JMJD1C: variants seen among roughly 807,000 people sequenced by gnomAD.
JMJD1C encodes jumonji domain-containing protein 1C.
Under a neutral mutation model 245.3 loss-of-function variants are expected in JMJD1C, and 31 were observed. The ratio of observed to expected loss-of-function variants is 0.13; its 90% CI spans 0.09 to 0.17. The LOEUF (loss-of-function observed/expected upper bound fraction) is 0.17. Among genes scored for constraint, JMJD1C ranks in the 10% least tolerant of loss-of-function variants. JMJD1C has a pLI of 1.00. For synonymous variants in JMJD1C, 1,057 were observed against 1,017.4 expected, an observed-to-expected ratio of 1.04 and a Z score of -0.74; for missense variants, 2,691 against 3,000.2, an observed-to-expected ratio of 0.90 and a Z score of 2.41.
intron 3 of JMJD1C, among the ~76,000 whole-genome samples, chr10:63,245,911 C>G (rs993492695): frequency 7.9e-5 from 12 of 152,156 alleles, no homozygotes; most frequent in Non-Finnish European, 1.0e-4. Flanking sequence ...GTGGGAGTTA[C>G]AATTCAAGAT....
In JMJD1C at chr10:63,465,790, C is replaced by G. The variant is rs1251627624; in HGVS notation, c.-128G>C. ...AGCAGCGGACCCGAAAGAGCGCAGACTCGGGACGAACCGGCCGCTCTGCCC... is the reference window on the plus strand; with the variant it reads ...AGCAGCGGACCCGAAAGAGCGCAGAGTCGGGACGAACCGGCCGCTCTGCCC... On this transcript the variant is annotated 5_prime_UTR_variant, in exon 1 of 26. Transcript: ENST00000399262. 1.7e-6 allele frequency: 2 copies of G among 1,157,482 alleles called. No individual in the cohort carries two copies. Among genetic ancestry groups the G allele is most frequent in the Non-Finnish European group, 2.5e-6 (2 of 798,008 alleles). 71.7% of individuals were successfully genotyped at this position (1,157,482 alleles called of 1,614,324 possible).
intron 2 of JMJD1C, among the ~76,000 whole-genome samples, chr10:63,294,779 A>G (rs919574633): frequency 6.6e-6 from 1 of 152,240 alleles, no homozygotes; most frequent in Non-Finnish European, 1.5e-5. Context: ...AGTTCTAGGA[A>G]GACAAAGATT....
At chr10:63,427,674 C>T in intron 1 of JMJD1C, 1 of 1,302,870 alleles carries the variant, frequency 7.7e-7, no homozygotes, top group Non-Finnish European at 1.1e-6. Flanking sequence ...GGACCGAAAT[C>T]CGCAGAGAAG....
intron 4 of JMJD1C, 30 bp downstream of exon 4, chr10:63,219,848 A>C: frequency 6.5e-7 from 1 of 1,548,744 alleles, no homozygotes; most frequent in Non-Finnish European, 8.9e-7. Flanking sequence ...AGATCCAAAA[A>C]AATTTAATGC....
At chr10:63,509,831 A>C (rs1426086941) in intron 1 of JMJD1C, among the ~76,000 whole-genome samples, 1 of 152,104 alleles carries the variant, frequency 6.6e-6, no homozygotes, top group Non-Finnish European at 1.5e-5. Flanking sequence ...CTATTTTACT[A>C]ATCTTATTAA....
At chr10:63,202,307 C>T in intron 10 of JMJD1C, 4 of 984,940 alleles carry the variant, frequency 4.1e-6, no homozygotes, top group Non-Finnish European at 4.8e-6. Flanking sequence ...TAGTTGTTGG[C>T]TCTAACTTGT....
chr10:63,322,808 A>G (rs1382276185), intron 2 of JMJD1C, among the ~76,000 whole-genome samples: 1 of 150,344 alleles, frequency 6.7e-6, no homozygotes, highest in Non-Finnish European at 1.5e-5. Flanking sequence ...ATCTCAAAAA[A>G]AAAAAAAAAA....
At chr10:63,463,298 T>C (rs769994830) in intron 1 of JMJD1C, among the ~76,000 whole-genome samples, 14 of 151,718 alleles carry the variant, frequency 9.2e-5, no homozygotes, top group Non-Finnish European at 1.8e-4. Context: ...CCCCAGTAGA[T>C]GGAACCACAG....
chr10:63,345,925 C>A (rs1012172354), intron 2 of JMJD1C, among the ~76,000 whole-genome samples: 2 of 151,812 alleles, frequency 1.3e-5, no homozygotes, highest in Admixed American at 6.6e-5. Flanking sequence ...AAGGTACATA[C>A]GGAATAAAAG....
intron 2 of JMJD1C, among the ~76,000 whole-genome samples, chr10:63,359,391 T>C (rs1039266379): frequency 3.9e-5 from 6 of 152,242 alleles, no homozygotes; most frequent in African/African-American, 1.4e-4. Context: ...TTCATTTTCT[T>C]AAAACACAGC....
At chr10:63,427,387 A>G (rs1428424893) in intron 1 of JMJD1C, 3 of 1,093,466 alleles carry the variant, frequency 2.7e-6, no homozygotes, top group African/African-American at 1.5e-5. Context: ...AAATCCCTAT[A>G]GCAAACATGT....
chr10:63,393,811 G>C (rs936439117), intron 1 of JMJD1C, among the ~76,000 whole-genome samples: 1 of 152,106 alleles, frequency 6.6e-6, no homozygotes, highest in Admixed American at 6.5e-5. Context: ...AAAGGAAATA[G>C]AATTGCTAAA....
chr10:63,338,934 G>A (rs1943123027), intron 2 of JMJD1C, among the ~76,000 whole-genome samples: 1 of 152,066 alleles, frequency 6.6e-6, no homozygotes, highest in South Asian at 2.1e-4. Flanking sequence ...CAGGTGTCGT[G>A]AGCCACTGCA....
At chr10:63,466,030 G>A, upstream of JMJD1C, 1 of 242,892 alleles carries the variant, frequency 4.1e-6, no homozygotes, top group Non-Finnish European at 7.9e-6. Context: ...TCCTTCCGCC[G>A]GCGCGGGCGG....
chr10:63,353,263 G>T (rs1031587936), intron 2 of JMJD1C, among the ~76,000 whole-genome samples: 1 of 151,914 alleles, frequency 6.6e-6, no homozygotes, highest in Non-Finnish European at 1.5e-5. Context: ...GTATTTTTTT[G>T]TAAGAACTCA....
chr10:63,402,333 G>A (rs1220949654), intron 1 of JMJD1C, among the ~76,000 whole-genome samples: 4 of 152,158 alleles, frequency 2.6e-5, no homozygotes, highest in East Asian at 1.9e-4. Context: ...GTAACATTTC[G>A]TTAAAATAAA....
chr10:63,244,885 C>T lies in JMJD1C; in HGVS notation c.447+19766G>A, dbSNP rs1364516707. Among the ~76,000 whole-genome samples, 6 of 151,558 alleles carry T rather than the reference C, an allele frequency of 4.0e-5. No individual in the cohort carries two copies. The East Asian group carries it at 1.2e-3, about 29-fold the overall frequency. ...GGTGCGGTGGCTCACGCCTGTAATC[C>T]CAGCACTTTGGGAGGCCAAGGCAGC... On this transcript the variant is annotated intron_variant, in intron 3 of 25. Coordinates refer to ENST00000399262, the MANE Select transcript of JMJD1C (RefSeq NM_032776.3).
chr10:63,242,848 A>C (rs370354455), intron 3 of JMJD1C, among the ~76,000 whole-genome samples: 72 of 152,170 alleles, frequency 4.7e-4, no homozygotes, highest in African/African-American at 1.7e-3. Context: ...TCCTTATTAA[A>C]AAAAATTTAG....
chr10:63,363,319 T>C (rs1306778547), intron 2 of JMJD1C, among the ~76,000 whole-genome samples: 2 of 146,132 alleles, frequency 1.4e-5, no homozygotes, highest in Admixed American at 7.1e-5. Context: ...AGTGCAGCGG[T>C]ACAATCTTGG....
Sources: allele counts gnomAD v4.1 joint callset (sites outside exome capture counted in the v4.1 genomes callset), GRCh38; gene constraint gnomAD v4.1.1; transcripts MANE v1.5; gene names NCBI Gene and HGNC (gene_info 2026-07-23, HGNC 2026-07-21).